LEKR1: variants seen among roughly 807,000 people sequenced by gnomAD.
LEKR1 encodes the protein leucine, glutamate and lysine rich 1, also known as protein LEKR1.
Under a neutral mutation model 72.4 loss-of-function variants are expected in LEKR1, and 59 were observed. The observed-to-expected ratio is 0.82, with a 90% CI of 0.66 to 1.01. The LOEUF is 1.01. LEKR1 is among the 50% of genes least tolerant of loss of function. The pLI is 0.00. For missense variants in LEKR1, 728 were observed against 759.2 expected, an observed-to-expected ratio of 0.96 and a Z score of 0.48; for synonymous variants, 257 against 263.2, an observed-to-expected ratio of 0.98 and a Z score of 0.23.
At chr3:156,939,816 G>A (rs973898174) in intron 5 of LEKR1, among the ~76,000 whole-genome samples, 8 of 151,920 alleles carry the variant, frequency 5.3e-5, no homozygotes, top group Non-Finnish European at 1.0e-4. Context: ...CTTATCAGGC[G>A]AATTCCACTC....
chr3:157,043,838 T>C (rs1383699137), intron 12 of LEKR1, among the ~76,000 whole-genome samples: 2 of 152,208 alleles, frequency 1.3e-5, no homozygotes, highest in Non-Finnish European at 2.9e-5. Context: ...AGCAAGTGAT[T>C]AACCCATGAT....
intron 3 of LEKR1, among the ~76,000 whole-genome samples, chr3:156,881,423 C>T (rs1719326049): frequency 6.6e-6 from 1 of 152,046 alleles, no homozygotes; most frequent in Non-Finnish European, 1.5e-5. Context: ...GAATAAAATA[C>T]CTAGGAATCC....
chr3:156,875,992 C>CAAAAAAA (rs55816001), intron 3 of LEKR1, among the ~76,000 whole-genome samples: 54 of 70,172 alleles, frequency 7.7e-4, no homozygotes, highest in Non-Finnish European at 1.1e-3. Flanking sequence ...GACTCCATCT[C>CAAAAAAA]AAAAAAAAAA....
chr3:156,948,352 ATCCATGCACC>A (rs2107973388), intron 6 of LEKR1, among the ~76,000 whole-genome samples: 1 of 151,272 alleles, frequency 6.6e-6, no homozygotes, highest in Admixed American at 6.6e-5. Flanking sequence ...TTTGTTTTAT[ATCCATGCACC>A]TCACAAAATT....
chr3:156,937,816 A>G (rs1449634935), intron 5 of LEKR1, among the ~76,000 whole-genome samples: 1 of 152,240 alleles, frequency 6.6e-6, no homozygotes, highest in Non-Finnish European at 1.5e-5. Flanking sequence ...CATATCATGT[A>G]ATACTGTTCA....
At chr3:156,877,504 T>C (rs1249035656) in intron 3 of LEKR1, among the ~76,000 whole-genome samples, 1 of 152,166 alleles carries the variant, frequency 6.6e-6, no homozygotes, top group Non-Finnish European at 1.5e-5. Context: ...TGCTTGTTAT[T>C]GGTCTGTTCA....
At position 156,972,031 on chromosome 3, in the gene LEKR1, T is replaced by C. The variant is rs369647489; in HGVS notation, c.746-7163T>C. 2.6e-5 allele frequency among the ~76,000 whole-genome samples: 4 copies of C among 152,208 alleles called. No individual in the cohort carries two copies. The East Asian group carries it at 7.7e-4, about 29-fold the overall frequency. ...ATTATAAATCATGCTGCTATAAAGATACATGCACATGTATGTTTATTGCGG... is the reference window on the plus strand; with the variant it reads ...ATTATAAATCATGCTGCTATAAAGACACATGCACATGTATGTTTATTGCGG... On this transcript the variant is annotated intron_variant, in intron 6 of 12. Coordinates refer to ENST00000356539, the MANE Select transcript of LEKR1 (RefSeq NM_001004316.3).
At chr3:156,957,751 G>A (rs1727778911) in intron 6 of LEKR1, among the ~76,000 whole-genome samples, 1 of 151,994 alleles carries the variant, frequency 6.6e-6, no homozygotes, top group Admixed American at 6.6e-5. Flanking sequence ...TAATTGCAGA[G>A]CAAAGAGCTA....
At chr3:156,962,930 TG>T (rs1340619331) in intron 6 of LEKR1, among the ~76,000 whole-genome samples, 3 of 152,220 alleles carry the variant, frequency 2.0e-5, no homozygotes, top group African/African-American at 7.2e-5. Flanking sequence ...TTTCTTTAAC[TG>T]TACCATAGGA....
At chr3:156,974,236 T>C (rs1049769021) in intron 6 of LEKR1, among the ~76,000 whole-genome samples, 1 of 152,142 alleles carries the variant, frequency 6.6e-6, no homozygotes, top group African/African-American at 2.4e-5. Context: ...TGGATAGGTC[T>C]CAAAAAACAT....
At chr3:156,907,744 G>T (rs1345000093) in intron 3 of LEKR1, among the ~76,000 whole-genome samples, 1 of 151,862 alleles carries the variant, frequency 6.6e-6, no homozygotes, top group Non-Finnish European at 1.5e-5. Flanking sequence ...GCATAACTAG[G>T]GTACAATTAT....
At chr3:156,931,506 G>A (rs62275812) in intron 5 of LEKR1, among the ~76,000 whole-genome samples, 4,831 of 152,156 alleles carry the variant, frequency 0.032, 116 homozygotes, top group Non-Finnish European at 0.047. Flanking sequence ...TTTACCCAAG[G>A]AATGTGAAAA....
intron 6 of LEKR1, among the ~76,000 whole-genome samples, chr3:156,944,337 A>G (rs1726493087): frequency 2.0e-5 from 3 of 151,918 alleles, no homozygotes; most frequent in South Asian, 4.1e-4. Flanking sequence ...GTACAGGCAT[A>G]CAATGTATAA....
intron 6 of LEKR1, among the ~76,000 whole-genome samples, chr3:156,948,847 A>T (rs78519527): frequency 0.01 from 1,538 of 151,608 alleles, 23 homozygotes; most frequent in African/African-American, 0.035. Context: ...TGACTTTTTA[A>T]TAATAGCCAT....
chr3:157,029,649 C>A (rs1734461567), intron 12 of LEKR1, among the ~76,000 whole-genome samples: 1 of 152,098 alleles, frequency 6.6e-6, no homozygotes, highest in Non-Finnish European at 1.5e-5. Flanking sequence ...TCAGTCCCCC[C>A]AATGAAGGAA....
At position 156,851,338 on chromosome 3, in the gene LEKR1, G is replaced by A. The variant is rs1289458488; in HGVS notation, c.49-1430G>A. On this transcript the variant is annotated intron_variant, in intron 2 of 12. Coordinates refer to ENST00000356539, the MANE Select transcript of LEKR1 (RefSeq NM_001004316.3). ...GACTGGAACTGGTGCACACTTCAGG[G>A]AGGCGGATTTGTGATGAGCCTAAGA... is the stretch of plus-strand genomic sequence containing the variant. 2.6e-5 allele frequency among the ~76,000 whole-genome samples: 4 copies of A among 152,186 alleles called. No homozygotes were observed. In the East Asian group the frequency reaches 7.7e-4, roughly 29 times the overall value.
chr3:156,945,575 T>C (rs1576875843), intron 6 of LEKR1, among the ~76,000 whole-genome samples: 1 of 151,868 alleles, frequency 6.6e-6, no homozygotes, highest in East Asian at 1.9e-4. Context: ...AGTAGTTTCA[T>C]AGTTTGAGGT....
At chr3:156,995,693 A>C (rs1179802712) in intron 9 of LEKR1, among the ~76,000 whole-genome samples, 1 of 152,162 alleles carries the variant, frequency 6.6e-6, no homozygotes, top group East Asian at 1.9e-4. Context: ...TTAGCCGGGC[A>C]TGGGGGCTCA....
Position 156,992,681 on chromosome 3 carries a change from C to A in LEKR1, c.856C>A (p.Gln286Lys), listed in dbSNP as rs765060111. The A allele has an allele frequency of 4.9e-6, 5 of 1,016,602 alleles. No homozygotes were observed. Among genetic ancestry groups the A allele is most frequent in the Non-Finnish European group, 6.2e-6 (5 of 804,746 alleles). 63.0% of individuals were successfully genotyped at this position (1,016,602 alleles called of 1,614,324 possible). A position where few individuals can be genotyped will look rare whatever the true frequency, so the allele number is the denominator to read the frequency against. ...TAAATCTAATGAAGCTGATGACTGTCAAAGAGAACTTAAAAAACTGAAGTT... is the reference window on the plus strand; with the variant it reads ...TAAATCTAATGAAGCTGATGACTGTAAAAGAGAACTTAAAAAACTGAAGTT... ...MNKSNEADDC[Q>K]RELKKLKFES... Residue 286 changes from glutamine to lysine, a missense_variant, in exon 8 of 13, where the codon CAA (glutamine) becomes AAA (lysine). By Grantham distance (53) the Gln-to-Lys change is moderately conservative. Coordinates refer to ENST00000356539, the MANE Select transcript of LEKR1 (RefSeq NM_001004316.3).
Sources: gnomAD v4.1 joint callset for allele counts (sites outside exome capture counted in the v4.1 genomes callset) on GRCh38, gnomAD v4.1.1 for gene constraint, MANE v1.5 for transcripts, NCBI Gene and HGNC (gene_info 2026-07-23, HGNC 2026-07-21) for gene names.